Variants in TENM2 observed in about 807,000 individuals in gnomAD.
The protein encoded by TENM2 is teneurin-2.
In TENM2, 52 loss-of-function variants were observed where a neutral mutation model predicts 245.2. That is an observed-to-expected ratio of 0.21 (90% CI 0.17 to 0.27). The LOEUF (loss-of-function observed/expected upper bound fraction) is 0.27, where lower values mean the gene tolerates loss of function less well. TENM2 is among the 10% of genes least tolerant of loss of function. The pLI is 1.00. For synonymous variants in TENM2, 1,363 were observed against 1,438.9 expected (o/e 0.95, Z 1.19); for missense variants, 3,046 against 3,666.8 (o/e 0.83, Z 4.37).
the TENM2 span, among the ~76,000 whole-genome samples, chr5:167,073,752 A>C: frequency 6.6e-6 from 1 of 152,198 alleles, no homozygotes; most frequent in African/African-American, 2.4e-5. Context: ...CACATCCTAG[A>C]GTGCAAAGGC....
chr5:167,557,175 A>G (rs2127633349), intron 2 of TENM2, among the ~76,000 whole-genome samples: 3 of 152,314 alleles, frequency 2.0e-5, no homozygotes, highest in Middle Eastern at 6.8e-3. Flanking sequence ...ATTTCTTATC[A>G]AGTACCTTAT....
intron 2 of TENM2, among the ~76,000 whole-genome samples, chr5:167,503,603 A>G (rs1290155306): frequency 3.9e-5 from 6 of 152,168 alleles, no homozygotes; most frequent in Non-Finnish European, 7.4e-5. Flanking sequence ...CTGTTAAAAA[A>G]CAGATATTGG....
rs567763849 is a variant in TENM2 at position 168,090,555 on chromosome 5, C to T, written c.1516-19C>T. On this transcript the variant is annotated intron_variant, in intron 7 of 28. Transcript: ENST00000518659. ...TCCACACCTTGTCTCATGCATGGTACTCTCTCTCCTTTTCCCAGTATGACT... is the reference window on the plus strand; with the variant it reads ...TCCACACCTTGTCTCATGCATGGTATTCTCTCTCCTTTTCCCAGTATGACT... 205 of 1,607,040 alleles carry T rather than the reference C, an allele frequency of 1.3e-4. 2 individuals are homozygous for T. The South Asian group carries it at 1.8e-3, about 14-fold the overall frequency.
chr5:167,398,255 T>C (rs1306597165), intron 2 of TENM2, among the ~76,000 whole-genome samples: 3 of 152,174 alleles, frequency 2.0e-5, no homozygotes, highest in African/African-American at 7.2e-5. Context: ...CTCCATGACA[T>C]TGGCAAATTA....
chr5:168,237,476 A>G (rs1765607416), intron 25 of TENM2, among the ~76,000 whole-genome samples: 1 of 152,104 alleles, frequency 6.6e-6, no homozygotes. Flanking sequence ...GAAAAATAAG[A>G]TAAAGTCCCG....
At chr5:167,304,646 G>T (rs2127741979) in intron 1 of TENM2, among the ~76,000 whole-genome samples, 1 of 151,508 alleles carries the variant, frequency 6.6e-6, no homozygotes, top group East Asian at 1.9e-4. Context: ...TTGCTTTTTG[G>T]ATTGTTTGTT....
intron 3 of TENM2, among the ~76,000 whole-genome samples, chr5:167,943,997 T>C (rs1779394608): frequency 6.6e-6 from 1 of 152,232 alleles, no homozygotes. Context: ...TTTTATTTTG[T>C]CTTTGTCACT....
At chr5:168,000,733 T>C (rs1432212633) in intron 5 of TENM2, among the ~76,000 whole-genome samples, 1 of 152,216 alleles carries the variant, frequency 6.6e-6, no homozygotes, top group East Asian at 1.9e-4. Context: ...GCACGATAGA[T>C]TGATGTAACA....
chr5:168,070,479 T>C (rs1381091999), intron 7 of TENM2, among the ~76,000 whole-genome samples: 1 of 152,020 alleles, frequency 6.6e-6, no homozygotes, highest in Non-Finnish European at 1.5e-5. Flanking sequence ...ATCTAAATAC[T>C]TATTTAGAAA....
intron 2 of TENM2, among the ~76,000 whole-genome samples, chr5:167,808,991 C>T (rs907461161): frequency 6.6e-6 from 1 of 152,150 alleles, no homozygotes; most frequent in African/African-American, 2.4e-5. Flanking sequence ...GCCGCACCCT[C>T]AGTTACAAAA....
chr5:167,868,407 A>C (rs1407418901), intron 2 of TENM2, among the ~76,000 whole-genome samples: 4 of 152,026 alleles, frequency 2.6e-5, no homozygotes, highest in Non-Finnish European at 5.9e-5. Context: ...AAATATTAGA[A>C]GTAAAATATA....
chr5:167,332,336 A>G (rs190926886), intron 1 of TENM2, among the ~76,000 whole-genome samples: 273 of 152,068 alleles, frequency 1.8e-3, no homozygotes, highest in South Asian at 8.5e-3. Context: ...TTTTTGTTCT[A>G]TATTTGTATG....
chr5:167,218,492 G>C, the TENM2 span, among the ~76,000 whole-genome samples: 3 of 152,054 alleles, frequency 2.0e-5, no homozygotes, highest in South Asian at 6.2e-4. Context: ...GCTATCTTGT[G>C]AGGGAGCTGC....
chr5:167,481,619 G>T (rs1260613090), intron 2 of TENM2, among the ~76,000 whole-genome samples: 1 of 152,086 alleles, frequency 6.6e-6, no homozygotes, highest in African/African-American at 2.4e-5. Flanking sequence ...CATGTGTCAC[G>T]TACCTGTGTG....
the TENM2 span, among the ~76,000 whole-genome samples, chr5:167,021,944 CT>C: frequency 6.6e-6 from 1 of 152,114 alleles, no homozygotes; most frequent in Non-Finnish European, 1.5e-5. Context: ...ATAAAAGGGC[CT>C]GACAAGACCT....
At chr5:167,246,634 T>C in the TENM2 span, among the ~76,000 whole-genome samples, 7 of 152,128 alleles carry the variant, frequency 4.6e-5, no homozygotes, top group Non-Finnish European at 1.0e-4. Context: ...CAAATTCTTT[T>C]GTGCCTTGAA....
chr5:167,884,314 T>G (rs1050597384), intron 3 of TENM2, among the ~76,000 whole-genome samples: 2 of 152,194 alleles, frequency 1.3e-5, no homozygotes, highest in Admixed American at 1.3e-4. Context: ...TGGCTTTAAG[T>G]ATGTTCACAT....
chr5:167,130,389 C>T, the TENM2 span, among the ~76,000 whole-genome samples: 3 of 152,256 alleles, frequency 2.0e-5, no homozygotes, highest in Admixed American at 6.5e-5. Flanking sequence ...TACTTCTAAG[C>T]GCTTTTACAT....
At chr5:168,015,498 A>C (rs1291596211) in intron 5 of TENM2, among the ~76,000 whole-genome samples, 1 of 152,224 alleles carries the variant, frequency 6.6e-6, no homozygotes, top group African/African-American at 2.4e-5. Context: ...AGTTGAACTG[A>C]CAGAAGCTTC....
Sources: gnomAD v4.1 joint callset for allele counts (sites outside exome capture counted in the v4.1 genomes callset) on GRCh38, gnomAD v4.1.1 for gene constraint, MANE v1.5 for transcripts, NCBI Gene and HGNC (gene_info 2026-07-23, HGNC 2026-07-21) for gene names.